Variants in CRYL1 observed in about 807,000 individuals in gnomAD.
CRYL1 encodes the protein crystallin lambda 1.
Under a neutral mutation model 36.6 loss-of-function variants are expected in CRYL1, and 29 were observed. That is an observed-to-expected ratio of 0.79 (90% CI 0.59 to 1.08). CRYL1 has a LOEUF of 1.08. CRYL1 is among the 50% of genes least tolerant of loss of function. CRYL1 has a pLI of 0.00. For missense variants in CRYL1, 411 were observed against 407.9 expected (o/e 1.01, Z -0.06); for synonymous variants, 152 against 151.5 (o/e 1.00, Z -0.02).
chr13:20,429,231 A>G (rs1565960923), intron 5 of CRYL1, among the ~76,000 whole-genome samples: 1 of 152,198 alleles, frequency 6.6e-6, no homozygotes, highest in Non-Finnish European at 1.5e-5. Context: ...AACTTCCCCA[A>G]TTCTGCTCCT....
At chr13:20,412,177 TAGGA>T (rs2031540880) in intron 6 of CRYL1, among the ~76,000 whole-genome samples, 1 of 152,048 alleles carries the variant, frequency 6.6e-6, no homozygotes, top group Non-Finnish European at 1.5e-5. Context: ...CTCCTGTTAC[TAGGA>T]AGTTCTTCCT....
chr13:20,439,541 AAAC>A, intron 4 of CRYL1, 49 bp downstream of exon 4: 1 of 1,396,620 alleles, frequency 7.2e-7, no homozygotes, highest in Non-Finnish European at 9.6e-7. Flanking sequence ...GAAAAAAAAA[AAAC>A]ACAGAATGAG....
chr13:20,407,111 T>TA lies in CRYL1; in HGVS notation c.740-2371dup, dbSNP rs929559756. The stretch of plus-strand genomic sequence containing the variant: ...TGTTTTGTAGAAATAAATGTCCCTT[T>TA]AAAACTTATCATGCTGGAATTCATA... On this transcript the variant is annotated intron_variant, in intron 6 of 7. Transcript: ENST00000298248. Among the ~76,000 whole-genome samples, 55 of 150,808 alleles carry TA rather than the reference T, an allele frequency of 3.6e-4. 1 individual carries two copies. The highest frequency in any genetic ancestry group is 2.9e-3 in the Admixed American group (44 of 15,236).
intron 4 of CRYL1, among the ~76,000 whole-genome samples, chr13:20,438,818 A>G (rs2032288879): frequency 6.6e-6 from 1 of 152,210 alleles, no homozygotes; most frequent in African/African-American, 2.4e-5. Flanking sequence ...TCTAACAGGC[A>G]GTCCTGGTCC....
At chr13:20,478,552 T>C (rs2033210156) in intron 3 of CRYL1, among the ~76,000 whole-genome samples, 1 of 152,194 alleles carries the variant, frequency 6.6e-6, no homozygotes, top group Admixed American at 6.5e-5. Context: ...CTCAGCTTAC[T>C]GCAACCTCCA....
chr13:20,466,922 A>G (rs181958369), intron 3 of CRYL1, among the ~76,000 whole-genome samples: 1 of 151,494 alleles, frequency 6.6e-6, no homozygotes, highest in Admixed American at 6.6e-5. Context: ...ATGAATGAAA[A>G]CAAGTTGCAG....
intron 2 of CRYL1, among the ~76,000 whole-genome samples, chr13:20,503,247 A>T (rs548332301): frequency 6.6e-6 from 1 of 152,364 alleles, no homozygotes; most frequent in Admixed American, 6.5e-5. Context: ...GTGAACTCAC[A>T]GGGAAGTCAG....
At chr13:20,523,594 G>A (rs768338208) in intron 1 of CRYL1, among the ~76,000 whole-genome samples, 3 of 152,060 alleles carry the variant, frequency 2.0e-5, no homozygotes, top group Non-Finnish European at 4.4e-5. Context: ...GGTGTTCCTT[G>A]GAATCACCTG....
At chr13:20,515,235 G>A (rs1426254323) in intron 1 of CRYL1, among the ~76,000 whole-genome samples, 1 of 152,176 alleles carries the variant, frequency 6.6e-6, no homozygotes, top group East Asian at 1.9e-4. Context: ...TTGGGATGAT[G>A]AGCATGTTGT....
At chr13:20,486,878 T>G (rs1565980300) in intron 3 of CRYL1, among the ~76,000 whole-genome samples, 1 of 152,220 alleles carries the variant, frequency 6.6e-6, no homozygotes, top group Non-Finnish European at 1.5e-5. Context: ...AATTACCATT[T>G]CCTGAGCATT....
rs1346669824 is a variant in CRYL1, at chr13:20,415,249, G to T, written c.634-1862C>A. ...TGCGGGGACCCTGGCACAGCGGCCT[G>T]CAGGGAGGCACCCTCTGCCCTGCTG... On this transcript the variant is annotated intron_variant, in intron 5 of 7. Coordinates refer to ENST00000298248, the MANE Select transcript of CRYL1 (RefSeq NM_015974.3). The surrounding 1 kb of genome is among the most constrained non-coding windows in gnomAD (Gnocchi z 4.1). Among the ~76,000 whole-genome samples the T allele has an allele frequency of 1.3e-5, 2 of 152,212 alleles. No homozygotes were observed. The highest frequency in any genetic ancestry group is 2.9e-5 in the Non-Finnish European group (2 of 68,016).
chr13:20,508,860 AAAAAAAAAAAAAAAAC>A (rs1159272409), intron 2 of CRYL1, among the ~76,000 whole-genome samples: 1,691 of 53,848 alleles, frequency 0.031, 189 homozygotes, highest in African/African-American at 0.099. Context: ...AAAAAAAAAA[AAAAAAAAAAAAAAAAC>A]AAAAAAAAAA....
chr13:20,501,150 C>T (rs1219170095), intron 2 of CRYL1, among the ~76,000 whole-genome samples: 1 of 152,226 alleles, frequency 6.6e-6, no homozygotes, highest in East Asian at 1.9e-4. Flanking sequence ...AAGCCTTCTT[C>T]CTTGGCTGTA....
chr13:20,504,663 T>C (rs2033762616), intron 2 of CRYL1, among the ~76,000 whole-genome samples: 1 of 152,178 alleles, frequency 6.6e-6, no homozygotes. Flanking sequence ...CATACAATGG[T>C]GAACAAAGAC....
At chr13:20,517,761 C>T (rs2034027278) in intron 1 of CRYL1, among the ~76,000 whole-genome samples, 1 of 151,368 alleles carries the variant, frequency 6.6e-6, no homozygotes, top group Non-Finnish European at 1.5e-5. Flanking sequence ...ATGGTGAAAC[C>T]CCATCTCTAC....
intron 5 of CRYL1, among the ~76,000 whole-genome samples, chr13:20,424,681 A>G (rs2137379941): frequency 6.6e-6 from 1 of 152,266 alleles, no homozygotes; most frequent in East Asian, 1.9e-4. Flanking sequence ...CTGGTAGGAG[A>G]AGCAGGGGAA....
intron 2 of CRYL1, among the ~76,000 whole-genome samples, chr13:20,509,250 T>TTTTTGTTTG (rs1555233053): frequency 6.8e-6 from 1 of 146,868 alleles, no homozygotes; most frequent in Non-Finnish European, 1.5e-5. Flanking sequence ...GCCTCATAGT[T>TTTTTGTTTG]TTTTGTTTTG....
chr13:20,521,215 GA>G (rs1303189025), intron 1 of CRYL1, among the ~76,000 whole-genome samples: 2 of 150,838 alleles, frequency 1.3e-5, no homozygotes, highest in Non-Finnish European at 3.0e-5. Flanking sequence ...CCAAAATACA[GA>G]AAAAAAATCA....
At chr13:20,465,921 C>T (rs1048943992) in intron 3 of CRYL1, among the ~76,000 whole-genome samples, 1 of 149,424 alleles carries the variant, frequency 6.7e-6, no homozygotes, top group Non-Finnish European at 1.5e-5. Flanking sequence ...AGTTCTTGCT[C>T]TATTAGTTTC....
Sources: allele counts gnomAD v4.1 joint callset (sites outside exome capture counted in the v4.1 genomes callset), GRCh38; gene constraint gnomAD v4.1.1; non-coding constraint Gnocchi (gnomAD v3.1); transcripts MANE v1.5; gene names NCBI Gene and HGNC (gene_info 2026-07-23, HGNC 2026-07-21).